Variants in RORA observed in about 807,000 individuals in gnomAD.
RORA encodes nuclear receptor ROR-alpha.
In RORA, 7 loss-of-function variants were observed where a neutral mutation model predicts 69.5. The ratio of observed to expected loss-of-function variants is 0.10; its 90% CI spans 0.06 to 0.19. RORA has a LOEUF of 0.19. Among genes scored for constraint, RORA ranks in the 10% least tolerant of loss-of-function variants. The probability of loss-of-function intolerance (pLI) is 1.00; values close to 1 mark genes in which losing one functional copy is unlikely to be tolerated. For missense variants in RORA, 457 were observed against 663.0 expected (o/e 0.69, Z 3.41); for synonymous variants, 261 against 240.8 (o/e 1.08, Z -0.78).
chr15:60,585,824 C>A (rs1171535230), intron 2 of RORA, among the ~76,000 whole-genome samples: 1 of 151,596 alleles, frequency 6.6e-6, no homozygotes, highest in Non-Finnish European at 1.5e-5. Flanking sequence ...TTTCTGATAA[C>A]CATGAAGAAC....
intron 2 of RORA, among the ~76,000 whole-genome samples, chr15:60,643,179 A>G (rs2069975682): frequency 6.6e-6 from 1 of 152,192 alleles, no homozygotes; most frequent in African/African-American, 2.4e-5. Flanking sequence ...ACATACATAC[A>G]TACATGCACA....
At chr15:60,851,777 A>AG (rs2073327663) in intron 1 of RORA, among the ~76,000 whole-genome samples, 3 of 142,008 alleles carry the variant, frequency 2.1e-5, no homozygotes, top group African/African-American at 7.8e-5. Context: ...AGAGAGAGAG[A>AG]TTTTTTTTTT....
At chr15:61,203,775 A>T (rs1596070036) in intron 1 of RORA, among the ~76,000 whole-genome samples, 1 of 152,224 alleles carries the variant, frequency 6.6e-6, no homozygotes, top group East Asian at 1.9e-4. Context: ...CAGAACACCA[A>T]AGAAAGAGAA....
intron 1 of RORA, among the ~76,000 whole-genome samples, chr15:61,201,649 C>T (rs1469857816): frequency 6.6e-6 from 1 of 151,964 alleles, no homozygotes; most frequent in African/African-American, 2.4e-5. Flanking sequence ...TTCTATTGTT[C>T]TTCAGAAGTT....
At chr15:60,562,545 C>T (rs1019658913) in intron 2 of RORA, among the ~76,000 whole-genome samples, 2 of 152,176 alleles carry the variant, frequency 1.3e-5, no homozygotes, top group East Asian at 3.9e-4. Flanking sequence ...AGGCGATTCT[C>T]CTGCCTCAGC....
chr15:60,741,344 G>A (rs1377205490), intron 1 of RORA, among the ~76,000 whole-genome samples: 1 of 152,166 alleles, frequency 6.6e-6, no homozygotes, highest in East Asian at 1.9e-4. Flanking sequence ...TCCCTCAAAG[G>A]AGAAAGACTG....
intron 1 of RORA, among the ~76,000 whole-genome samples, chr15:60,865,205 G>A (rs897176237): frequency 1.3e-5 from 2 of 152,142 alleles, no homozygotes; most frequent in Admixed American, 6.5e-5. Flanking sequence ...GAGAACTTGG[G>A]TTCCAGTCTA....
At chr15:60,938,141 C>A (rs1892581665) in intron 1 of RORA, among the ~76,000 whole-genome samples, 1 of 151,830 alleles carries the variant, frequency 6.6e-6, no homozygotes, top group African/African-American at 2.4e-5. Flanking sequence ...TTTTTGAGGG[C>A]CAAAAAGTTG....
chr15:60,678,743 A>G, intron 1 of RORA, 57 bp from the exon 2 acceptor site: 1 of 1,433,764 alleles, frequency 7.0e-7, no homozygotes, highest in Non-Finnish European at 9.8e-7. Context: ...TGCTGCTTTG[A>G]ATGTCCGTCA....
intron 1 of RORA, among the ~76,000 whole-genome samples, chr15:60,690,450 GGA>G (rs1308620459): frequency 1.3e-5 from 2 of 152,230 alleles, no homozygotes; most frequent in African/African-American, 4.8e-5. Flanking sequence ...TTTGGAGACA[GGA>G]GAGAGCACCC....
chr15:60,887,548 T>C (rs1212398504), intron 1 of RORA, among the ~76,000 whole-genome samples: 4 of 152,202 alleles, frequency 2.6e-5, no homozygotes, highest in Middle Eastern at 3.4e-3. Flanking sequence ...GCGGACAAAA[T>C]GAATAGAAAA....
At chr15:60,593,658 A>G (rs1326228458) in intron 2 of RORA, among the ~76,000 whole-genome samples, 1 of 152,236 alleles carries the variant, frequency 6.6e-6, no homozygotes, top group African/African-American at 2.4e-5. Flanking sequence ...AGTACCGAGC[A>G]TAACAGAAAA....
chr15:60,962,675 TC>T (rs1436508496), intron 1 of RORA, among the ~76,000 whole-genome samples: 3 of 152,222 alleles, frequency 2.0e-5, no homozygotes, highest in Non-Finnish European at 4.4e-5. Flanking sequence ...CCTGAACACG[TC>T]CACCTGCCCA....
chr15:60,613,602 A>G (rs960729567), intron 2 of RORA, among the ~76,000 whole-genome samples: 8 of 152,122 alleles, frequency 5.3e-5, no homozygotes, highest in Admixed American at 2.6e-4. Context: ...TCTGGCATTC[A>G]TTAAATGAAT....
At position 60,962,534 on chromosome 15, in the gene RORA, G is replaced by A. The variant is rs144938937; in HGVS notation, c.166+266519C>T. ...TGTTTTCTTCTGAGAGCAGCCCCTC[G>A]ACATGCCACTTAGAGTTCTAGTCGA... On this transcript the variant is annotated intron_variant, in intron 1 of 10. Coordinates refer to ENST00000335670, the MANE Select transcript of RORA (RefSeq NM_134261.3). Among the ~76,000 whole-genome samples the A allele has an allele frequency of 3.0e-3, 453 of 152,262 alleles. 1 individual carries two copies. Among genetic ancestry groups the A allele is most frequent in the African/African-American group, 0.01 (426 of 41,542 alleles).
chr15:60,732,633 T>C (rs1287365800), intron 1 of RORA, among the ~76,000 whole-genome samples: 1 of 151,658 alleles, frequency 6.6e-6, no homozygotes, highest in African/African-American at 2.4e-5. Context: ...GTGATAATCA[T>C]TCTCATTCTC....
At position 61,061,803 on chromosome 15, in the gene RORA, C is replaced by A. The variant is rs1359965973; in HGVS notation, c.166+167250G>T. The stretch of plus-strand genomic sequence containing the variant: ...TAAGGCCGGGCACGGTGGTTCACGC[C>A]TGTAACCCCAGCACTTTGGGAGGCC... On this transcript the variant is annotated intron_variant, in intron 1 of 10. Coordinates refer to ENST00000335670, the MANE Select transcript of RORA (RefSeq NM_134261.3). The surrounding 1 kb of genome is among the most constrained non-coding windows in gnomAD (Gnocchi z 4.4). Among the ~76,000 whole-genome samples, 1 of 152,132 alleles carries A rather than the reference C, an allele frequency of 6.6e-6. No individual in the cohort carries two copies. Among genetic ancestry groups the A allele is most frequent in the Non-Finnish European group, 1.5e-5 (1 of 68,018 alleles).
intron 1 of RORA, among the ~76,000 whole-genome samples, chr15:60,896,376 C>T (rs7183001): frequency 0.012 from 1,875 of 152,320 alleles, 39 homozygotes; most frequent in African/African-American, 0.043. Context: ...ATTGATTTTA[C>T]CCCCCTTGGT....
intron 2 of RORA, 200 bp downstream of exon 2, chr15:60,678,456 GC>G (rs1440564635): frequency 1.9e-6 from 1 of 537,300 alleles, no homozygotes; most frequent in East Asian, 3.1e-5. Flanking sequence ...TATGTCTCTA[GC>G]CTCTCTCTTC....
Sources: allele counts gnomAD v4.1 joint callset (sites outside exome capture counted in the v4.1 genomes callset), GRCh38; gene constraint gnomAD v4.1.1; non-coding constraint Gnocchi (gnomAD v3.1); transcripts MANE v1.5; gene names NCBI Gene and HGNC (gene_info 2026-07-23, HGNC 2026-07-21).